Variants in ZNF446 observed in about 807,000 individuals in gnomAD.
The protein encoded by ZNF446 is zinc finger protein with KRAB and SCAN domains 20.
Under a neutral mutation model 34.0 loss-of-function variants are expected in ZNF446, and 42 were observed. The observed-to-expected ratio is 1.23, with a 90% confidence interval of 0.96 to 1.60. The LOEUF is 1.60. Ranked by LOEUF, ZNF446 falls within the 40% of genes most tolerant of loss-of-function variation. ZNF446 has a pLI of 0.00. For synonymous variants in ZNF446, 315 were observed against 251.0 expected (o/e 1.25, Z -2.41); for missense variants, 650 against 600.2 (o/e 1.08, Z -0.87).
At chr19:58,479,358 T>G (rs1179862157) in intron 4 of ZNF446, among the ~76,000 whole-genome samples, 1 of 151,972 alleles carries the variant, frequency 6.6e-6, no homozygotes, top group Non-Finnish European at 1.5e-5. Context: ...AATCAGGGAG[T>G]TCATTCCTCG....
rs535654893 is a variant in ZNF446, at chr19:58,480,348, T to C, written c.975T>C (p.Ala325=). 1.9e-6 allele frequency: 3 copies of C among 1,600,300 alleles called. No homozygotes were observed. In the African/African-American group the frequency reaches 4.0e-5, roughly 21 times the overall value. Residue 325 remains alanine, a synonymous_variant, in exon 7 of 7, where the codon GCT becomes GCC. Transcript: ENST00000594369. This position sits in a 1 kb window ranked among gnomAD's most constrained non-coding sequence, Gnocchi z 7.2. ...PTPAETRLEP[A]ATPRKPYTCE... The stretch of plus-strand genomic sequence containing the variant: ...CTGCAGAGACGAGACTGGAGCCGGC[T>C]GCCACCCCCAGGAAGCCCTACACGT...
rs756812290 is a variant in ZNF446, at chr19:58,477,196, C to T, written c.-23C>T. Reference sequence around the variant, plus strand: ...TTCTGTAGGCCCATCTTGACGATTCCAAGACCACCCCCTTGAGCAAGAATG... The same window carrying T: ...TTCTGTAGGCCCATCTTGACGATTCTAAGACCACCCCCTTGAGCAAGAATG... On this transcript the variant is annotated 5_prime_UTR_variant, in exon 2 of 7. Transcript: ENST00000594369. The T allele has an allele frequency of 6.6e-6, 10 of 1,525,606 alleles. No homozygotes were observed. The highest frequency in any genetic ancestry group is 2.5e-5 in the South Asian group (2 of 79,520). 94.5% of individuals were successfully genotyped at this position (1,525,606 alleles called of 1,614,324 possible).
chr19:58,477,224 A>G lies in ZNF446; in HGVS notation c.6A>G (p.Pro2=), dbSNP rs1482540563. 2 of 1,557,272 alleles carry G rather than the reference A, an allele frequency of 1.3e-6. No individual in the cohort carries two copies. Among genetic ancestry groups the G allele is most frequent in the East Asian group, 2.3e-5 (1 of 44,194 alleles). Residue 2 remains proline (P), a synonymous_variant, in exon 2 of 7, where the codon CCA becomes CCG. Coordinates refer to ENST00000594369, the MANE Select transcript of ZNF446 (RefSeq NM_017908.4). M[P]SPLGPPCLPV... ...GACCACCCCCTTGAGCAAGAATGCC[A>G]TCCCCTCTGGGTCCCCCATGCCTGC...
chr19:58,478,829 T>A (rs1386349087), intron 4 of ZNF446, among the ~76,000 whole-genome samples: 1 of 152,026 alleles, frequency 6.6e-6, no homozygotes, highest in Admixed American at 6.6e-5. Flanking sequence ...CTTTTGTGTG[T>A]AGCTGGGGAG....
In ZNF446 at chr19:58,480,313, C is replaced by A; in HGVS notation, c.940C>A (p.Gln314Lys). ...CCCAGGGACACCGCCAGTGCCCACT[C>A]AGCCCACACCTGCAGAGACGAGACT... ...VRPGTPPVPT[Q>K]PTPAETRLEP... Residue 314 changes from glutamine to lysine, a missense_variant, in exon 7 of 7, where the codon CAG becomes AAG. Physicochemically the swap from Gln to Lys is moderately conservative, Grantham distance 53. Coordinates refer to ENST00000594369, the MANE Select transcript of ZNF446 (RefSeq NM_017908.4). The surrounding 1 kb of genome is among the most constrained non-coding windows in gnomAD (Gnocchi z 7.2). 6.3e-7 allele frequency: 1 copy of A among 1,582,952 alleles called. No individual in the cohort carries two copies. The highest frequency in any genetic ancestry group is 2.3e-5 in the East Asian group (1 of 43,412).
chr19:58,481,383 C>T (rs957731064), downstream of ZNF446, among the ~76,000 whole-genome samples: 3 of 152,214 alleles, frequency 2.0e-5, no homozygotes, highest in East Asian at 5.8e-4. Flanking sequence ...GGTCCCCAGC[C>T]TCCCTTGCTC....
rs777534977 is a variant in ZNF446 at position 58,477,182 on chromosome 19, C to T, written c.-37C>T. ...TCCGACCCTTCCTTTTCTGTAGGCCCATCTTGACGATTCCAAGACCACCCC... is the reference window on the plus strand; with the variant it reads ...TCCGACCCTTCCTTTTCTGTAGGCCTATCTTGACGATTCCAAGACCACCCC... On this transcript the variant is annotated 5_prime_UTR_variant, in exon 2 of 7. Transcript: ENST00000594369. The T allele has an allele frequency of 2.0e-6, 3 of 1,489,412 alleles. No homozygotes were observed. The highest frequency in any genetic ancestry group is 4.8e-4 in the Middle Eastern group (2 of 4,162). 92.3% of individuals were successfully genotyped at this position (1,489,412 alleles called of 1,614,324 possible).
At chr19:58,488,004 T>TCGTGGC in the ZNF446 span, among the ~76,000 whole-genome samples, 1 of 149,826 alleles carries the variant, frequency 6.7e-6, no homozygotes. Context: ...CCTGCCTTGC[T>TCGTGGC]CATGGCCACA....
At chr19:58,483,171 C>A (rs2053151438), downstream of ZNF446, among the ~76,000 whole-genome samples, 2 of 139,202 alleles carry the variant, frequency 1.4e-5, no homozygotes, top group African/African-American at 2.8e-5. Context: ...CATAGTGAGA[C>A]CTTGTCTCCA....
chr19:58,480,866 G>C lies in ZNF446; in HGVS notation c.*140G>C. 2.0e-6 allele frequency: 2 copies of C among 1,011,364 alleles called. No individual in the cohort carries two copies. The highest frequency in any genetic ancestry group is 1.4e-6 in the Non-Finnish European group (1 of 706,604). 62.6% of individuals were successfully genotyped at this position (1,011,364 alleles called of 1,614,324 possible). ...GTCCCAAGCCAGTTCCCTGCCCCTGGTCTGGTCTCCCCCAAAAGACCTGGG... is the reference window on the plus strand; with the variant it reads ...GTCCCAAGCCAGTTCCCTGCCCCTGCTCTGGTCTCCCCCAAAAGACCTGGG... On this transcript the variant is annotated 3_prime_UTR_variant, in exon 7 of 7. Coordinates refer to ENST00000594369, the MANE Select transcript of ZNF446 (RefSeq NM_017908.4). The surrounding 1 kb of genome is among the most constrained non-coding windows in gnomAD (Gnocchi z 7.2).
Position 58,479,961 on chromosome 19 carries a change from CCAGT to C in ZNF446, c.748_751del (p.Glu251TrpfsTer114). 1.9e-6 allele frequency: 3 copies of C among 1,588,488 alleles called. No homozygotes were observed. The highest frequency in any genetic ancestry group is 2.6e-6 in the Non-Finnish European group (3 of 1,170,118). On this transcript the variant is annotated frameshift_variant, in exon 6 of 7. Transcript: ENST00000594369. LOFTEE classifies it high-confidence loss of function. The stretch of plus-strand genomic sequence containing the variant: ...CGCCCCACCAGCCAGAGGCACAGGC[CCAGT>C]CAGAGCTGGGGATGCTGCTCACGGG...
At chr19:58,482,264 G>A (rs1255547603), downstream of ZNF446, among the ~76,000 whole-genome samples, 1 of 151,830 alleles carries the variant, frequency 6.6e-6, no homozygotes, top group Non-Finnish European at 1.5e-5. Flanking sequence ...TCCTTAGGCT[G>A]CCAGCTCTCT....
chr19:58,488,702 T>C, the ZNF446 span, among the ~76,000 whole-genome samples: 1 of 151,738 alleles, frequency 6.6e-6, no homozygotes, highest in Non-Finnish European at 1.5e-5. Flanking sequence ...ATACAAAAAA[T>C]TAGCCGAGCT....
At chr19:58,479,833 T>C in intron 5 of ZNF446, 97 bp from the exon 6 acceptor site, 11 of 1,423,844 alleles carry the variant, frequency 7.7e-6, no homozygotes, top group Non-Finnish European at 1.1e-5. Context: ...TACCCAGCTC[T>C]CCCACCTTCC....
chr19:58,487,421 G>A, the ZNF446 span, among the ~76,000 whole-genome samples: 14 of 152,238 alleles, frequency 9.2e-5, no homozygotes, highest in South Asian at 2.9e-3. Flanking sequence ...TTAAATCTCT[G>A]AAAAGACACT....
chr19:58,479,559 C>T (rs1287927638), intron 4 of ZNF446, 84 bp from the exon 5 acceptor site: 4 of 1,472,152 alleles, frequency 2.7e-6, no homozygotes, highest in Non-Finnish European at 3.7e-6. Context: ...CCTGCTGACT[C>T]TTCCGGGTAA....
At chr19:58,483,323 T>TA (rs1021316593), downstream of ZNF446, among the ~76,000 whole-genome samples, 61 of 151,994 alleles carry the variant, frequency 4.0e-4, no homozygotes, top group Admixed American at 1.6e-3. Flanking sequence ...TCAACTGTAC[T>TA]AAAAAAAATA....
the ZNF446 span, among the ~76,000 whole-genome samples, chr19:58,488,050 C>T: frequency 6.6e-6 from 1 of 151,078 alleles, no homozygotes; most frequent in Admixed American, 6.6e-5. Flanking sequence ...CAGGACTTCA[C>T]CTGCCTTGCC....
At chr19:58,488,826 G>C in the ZNF446 span, among the ~76,000 whole-genome samples, 1 of 148,044 alleles carries the variant, frequency 6.8e-6, no homozygotes, top group Non-Finnish European at 1.5e-5. Context: ...ACTCCAGCCT[G>C]GGTGACAGAG....
Sources: allele counts gnomAD v4.1 joint callset (sites outside exome capture counted in the v4.1 genomes callset), GRCh38; gene constraint gnomAD v4.1.1; non-coding constraint Gnocchi (gnomAD v3.1); transcripts MANE v1.5; gene names NCBI Gene and HGNC (gene_info 2026-07-23, HGNC 2026-07-21).